CAMK4: variants seen among roughly 807,000 people sequenced by gnomAD.
CAMK4 encodes calcium/calmodulin-dependent protein kinase type IV.
In CAMK4, 22 loss-of-function variants were observed where a neutral mutation model predicts 44.9. The ratio of observed to expected loss-of-function variants is 0.49; its 90% CI spans 0.35 to 0.70. CAMK4 has a LOEUF of 0.70. Ranked by LOEUF, CAMK4 falls within the 30% of genes least tolerant of loss-of-function variation. The pLI, the probability that CAMK4 is intolerant of heterozygous loss-of-function variation, is 0.01. For synonymous variants in CAMK4, 218 were observed against 215.4 expected (o/e 1.01, Z -0.11); for missense variants, 498 against 586.8 (o/e 0.85, Z 1.56).
intron 1 of CAMK4, among the ~76,000 whole-genome samples, chr5:111,269,090 G>C (rs980499033): frequency 6.6e-6 from 1 of 152,196 alleles, no homozygotes; most frequent in Non-Finnish European, 1.5e-5. Flanking sequence ...TACCAATAAT[G>C]ATAACTTGGA....
chr5:111,465,936 A>G (rs1335064828), intron 7 of CAMK4, among the ~76,000 whole-genome samples: 1 of 152,184 alleles, frequency 6.6e-6, no homozygotes, highest in East Asian at 1.9e-4. Flanking sequence ...TGAATATAGA[A>G]GAAAACATCC....
At chr5:111,459,967 G>T (rs936775961) in intron 7 of CAMK4, among the ~76,000 whole-genome samples, 1 of 151,996 alleles carries the variant, frequency 6.6e-6, no homozygotes, top group African/African-American at 2.4e-5. Context: ...CTGTGCCAGA[G>T]AATTCACAGT....
At chr5:111,426,468 G>A (rs1012833764) in intron 5 of CAMK4, among the ~76,000 whole-genome samples, 13 of 152,080 alleles carry the variant, frequency 8.5e-5, no homozygotes, top group African/African-American at 2.4e-4. Flanking sequence ...ATGGTGCACC[G>A]ATCATCTCCT....
At chr5:111,247,559 T>C (rs76002677) in intron 1 of CAMK4, among the ~76,000 whole-genome samples, 2,164 of 151,428 alleles carry the variant, frequency 0.014, 51 homozygotes, top group African/African-American at 0.05. Context: ...TTTCAAGGAA[T>C]TGGGAAGGCT....
intron 5 of CAMK4, among the ~76,000 whole-genome samples, chr5:111,395,230 A>AAAAAAAAAG (rs1561460461): frequency 8.8e-3 from 936 of 106,166 alleles, no homozygotes; most frequent in Non-Finnish European, 0.011. Context: ...AAAAAAAAGA[A>AAAAAAAAAG]AAAAAAAAAG....
rs943012432 is a variant in CAMK4 at position 111,490,931 on chromosome 5, T to A, written c.*6465T>A. On this transcript the variant is annotated 3_prime_UTR_variant, in exon 11 of 11. Coordinates refer to ENST00000282356, the MANE Select transcript of CAMK4 (RefSeq NM_001744.6). Reference sequence around the variant, plus strand: ...TTCAATGTCTTGTGAGTTTAGTGAGTGGGTACAGCTGAGTTGGGGTTTAGG... The same window carrying A: ...TTCAATGTCTTGTGAGTTTAGTGAGAGGGTACAGCTGAGTTGGGGTTTAGG... The A allele has an allele frequency of 6.6e-6, 1 of 152,136 alleles. No individual in the cohort carries two copies. The highest frequency in any genetic ancestry group is 1.5e-5 in the Non-Finnish European group (1 of 68,026). The allele number at this position is 152,136 out of a possible 1,614,324, so 9.4% of individuals were successfully genotyped here.
At chr5:111,446,572 C>CAT (rs1205521461) in intron 5 of CAMK4, 114 bp from the exon 6 acceptor site, 2 of 610,102 alleles carry the variant, frequency 3.3e-6, no homozygotes, top group African/African-American at 3.8e-5. Context: ...ATTGTTAAGT[C>CAT]ATACTATGTG....
chr5:111,263,090 C>T lies in CAMK4; in HGVS notation c.161+38446C>T, dbSNP rs560477849. Among the ~76,000 whole-genome samples, 7 of 152,250 alleles carry T rather than the reference C, an allele frequency of 4.6e-5. No homozygotes were observed. In the South Asian group the frequency reaches 8.3e-4, roughly 18 times the overall value. The stretch of plus-strand genomic sequence containing the variant: ...GAAGAGAAAGGAAGTAGTAAGACAG[C>T]GAAAAGAGATCATAGTTCATGTCCC... On this transcript the variant is annotated intron_variant, in intron 1 of 10. Coordinates refer to ENST00000282356, the MANE Select transcript of CAMK4 (RefSeq NM_001744.6).
chr5:111,341,173 C>G (rs957915033), intron 1 of CAMK4, among the ~76,000 whole-genome samples: 1 of 151,168 alleles, frequency 6.6e-6, no homozygotes, highest in Admixed American at 6.6e-5. Flanking sequence ...TATTTTCTCC[C>G]ACACTTTCAA....
chr5:111,478,055 A>G (rs1037062752), intron 8 of CAMK4, among the ~76,000 whole-genome samples: 6 of 151,808 alleles, frequency 4.0e-5, no homozygotes, highest in African/African-American at 1.4e-4. Flanking sequence ...CATAATGTCT[A>G]TAATGTTAGC....
intron 1 of CAMK4, among the ~76,000 whole-genome samples, chr5:111,309,994 C>G (rs946359398): frequency 6.6e-6 from 1 of 152,196 alleles, no homozygotes; most frequent in Non-Finnish European, 1.5e-5. Context: ...AATGAGTAGA[C>G]AGCAGGGTTC....
intron 5 of CAMK4, among the ~76,000 whole-genome samples, chr5:111,415,434 C>T (rs752446447): frequency 2.0e-5 from 3 of 152,070 alleles, no homozygotes; most frequent in African/African-American, 4.8e-5. Flanking sequence ...AGAATGCCAG[C>T]GAGAGCTGTG....
chr5:111,378,857 A>G (rs1326841800), intron 4 of CAMK4, among the ~76,000 whole-genome samples: 1 of 152,164 alleles, frequency 6.6e-6, no homozygotes. Context: ...TTGCTAATAA[A>G]GCTTAGATGG....
chr5:111,346,466 C>G (rs539450663), intron 2 of CAMK4, among the ~76,000 whole-genome samples: 1 of 133,496 alleles, frequency 7.5e-6, no homozygotes, highest in South Asian at 2.5e-4. Flanking sequence ...GCCCTAAGCC[C>G]AAGAGGCTTG....
chr5:111,236,896 T>C (rs1477705263), intron 1 of CAMK4, among the ~76,000 whole-genome samples: 1 of 152,192 alleles, frequency 6.6e-6, no homozygotes, highest in African/African-American at 2.4e-5. Flanking sequence ...TTCTGGAACA[T>C]TATGTGAATG....
chr5:111,404,580 G>A (rs1180718438), intron 5 of CAMK4, among the ~76,000 whole-genome samples: 2 of 152,168 alleles, frequency 1.3e-5, no homozygotes. Flanking sequence ...ACTCTTGTCT[G>A]TCATGGCCTT....
intron 1 of CAMK4, among the ~76,000 whole-genome samples, chr5:111,262,140 G>A (rs1455341445): frequency 6.8e-6 from 1 of 146,482 alleles, no homozygotes; most frequent in Non-Finnish European, 1.5e-5. Flanking sequence ...TCTGGCACTT[G>A]ATGTGTAAAA....
At chr5:111,269,809 A>T in intron 1 of CAMK4, among the ~76,000 whole-genome samples, 1 of 152,170 alleles carries the variant, frequency 6.6e-6, no homozygotes, top group East Asian at 1.9e-4. Flanking sequence ...TTTGGCATAC[A>T]AGGCTGTCCA....
chr5:111,250,927 A>C (rs1322028875), intron 1 of CAMK4, among the ~76,000 whole-genome samples: 3 of 152,126 alleles, frequency 2.0e-5, no homozygotes, highest in Non-Finnish European at 4.4e-5. Flanking sequence ...AAGCATTGGG[A>C]TTACAGGGAC....
Sources: allele counts gnomAD v4.1 joint callset (sites outside exome capture counted in the v4.1 genomes callset), GRCh38; gene constraint gnomAD v4.1.1; transcripts MANE v1.5; gene names NCBI Gene and HGNC (gene_info 2026-07-23, HGNC 2026-07-21).